The following MIB1 variants were observed in gnomAD, a reference collection of about 807,000 sequenced individuals.
The protein encoded by MIB1 is E3 ubiquitin-protein ligase MIB1.
A neutral mutation model predicts 124.5 loss-of-function variants in MIB1; 278 were observed. The observed-to-expected ratio is 2.23, with a 90% CI of 2.02 to 2.47. The LOEUF (loss-of-function observed/expected upper bound fraction) is 2.47, where lower values mean the gene tolerates loss of function less well. Among genes scored for constraint, MIB1 ranks in the 30% most tolerant of loss-of-function variants. The pLI, the probability that MIB1 is intolerant of heterozygous loss-of-function variation, is 0.00. For missense variants in MIB1, 957 were observed against 1,254.4 expected, an observed-to-expected ratio of 0.76 and a Z score of 3.58; for synonymous variants, 446 against 429.4, an observed-to-expected ratio of 1.04 and a Z score of -0.48.
In MIB1 at chr18:21,838,685, T is replaced by C. The variant is rs576754615; in HGVS notation, c.1962+188T>C. The stretch of plus-strand genomic sequence containing the variant: ...CTAATACTTCTTAAATGCAGGATGG[T>C]GATGTGTGTTTGAGAGTGAGTCCCT... On this transcript the variant is annotated intron_variant, in intron 13 of 20. Transcript: ENST00000261537. 8.5e-5 allele frequency among the ~76,000 whole-genome samples: 13 copies of C among 152,258 alleles called. No homozygotes were observed. In the South Asian group the frequency reaches 2.7e-3, roughly 32 times the overall value.
At chr18:21,774,759 GA>G (rs1254242141) in intron 4 of MIB1, among the ~76,000 whole-genome samples, 1 of 151,698 alleles carries the variant, frequency 6.6e-6, no homozygotes, top group Admixed American at 6.6e-5. Context: ...AGGAATGGAG[GA>G]AGTATCCCAG....
At chr18:21,734,278 T>C (rs1303490529) in intron 1 of MIB1, among the ~76,000 whole-genome samples, 1 of 151,526 alleles carries the variant, frequency 6.6e-6, no homozygotes, top group Non-Finnish European at 1.5e-5. Context: ...GGCTATTTTT[T>C]GGATTTTTAT....
At chr18:21,802,087 T>G (rs749387930) in intron 9 of MIB1, among the ~76,000 whole-genome samples, 6 of 152,200 alleles carry the variant, frequency 3.9e-5, no homozygotes, top group Non-Finnish European at 7.4e-5. Context: ...AGTTCTAGGT[T>G]AGAAGTCATT....
In MIB1 at chr18:21,857,129, G is replaced by C. The variant is rs1162035698; in HGVS notation, c.2666-1G>C. 1 of 1,610,688 alleles carries C rather than the reference G, an allele frequency of 6.2e-7. No homozygotes were observed. The highest frequency in any genetic ancestry group is 1.1e-5 in the South Asian group (1 of 90,952). On this transcript the variant is annotated splice_acceptor_variant, in intron 18 of 20. Coordinates refer to ENST00000261537, the MANE Select transcript of MIB1 (RefSeq NM_020774.4). LOFTEE classifies it high-confidence loss of function. ...GAAGTGTCTGTGTTACCGTTTTCCA[G>C]ACTGTGCTAACCTGATGAAAAAGTG...
At chr18:21,851,064 G>T (rs986146172) in intron 17 of MIB1, among the ~76,000 whole-genome samples, 3 of 152,148 alleles carry the variant, frequency 2.0e-5, no homozygotes, top group African/African-American at 7.2e-5. Flanking sequence ...ATTGGGTGTT[G>T]TAGGTGCTTT....
intron 1 of MIB1, among the ~76,000 whole-genome samples, chr18:21,710,068 A>G (rs2040658913): frequency 6.6e-6 from 1 of 152,214 alleles, no homozygotes; most frequent in Non-Finnish European, 1.5e-5. Context: ...AAAATTTTTT[A>G]AGACACTTGC....
chr18:21,709,650 TG>T (rs960888626), intron 1 of MIB1, among the ~76,000 whole-genome samples: 1 of 152,140 alleles, frequency 6.6e-6, no homozygotes, highest in African/African-American at 2.4e-5. Context: ...TCAGTGTCTG[TG>T]GGGGGACATG....
chr18:21,823,190 C>T (rs185688895), intron 12 of MIB1, among the ~76,000 whole-genome samples: 89 of 149,270 alleles, frequency 6.0e-4, no homozygotes, highest in Non-Finnish European at 1.0e-3. Flanking sequence ...GCTGAGATTG[C>T]ACCACTGCAC....
chr18:21,810,761 G>A (rs186643842), intron 10 of MIB1, among the ~76,000 whole-genome samples: 13 of 151,716 alleles, frequency 8.6e-5, no homozygotes, highest in Non-Finnish European at 1.5e-4. Flanking sequence ...CTAAAAGTGC[G>A]ATATAAAACT....
At chr18:21,768,773 C>T in intron 3 of MIB1, 21 bp downstream of exon 3, 2 of 1,595,970 alleles carry the variant, frequency 1.3e-6, no homozygotes, top group South Asian at 1.1e-5. Flanking sequence ...TCTCTGAATT[C>T]ATTATGTATT....
rs1198713057 is a variant in MIB1 at position 21,868,501 on chromosome 18, G to C, written c.*3835G>C. ...GGGTTTGTTATTTCATTTTGAGCCA[G>C]AGGGGAGAGGCACATTTTAAATATC... On this transcript the variant is annotated 3_prime_UTR_variant, in exon 21 of 21. Transcript: ENST00000261537. The C allele has an allele frequency of 6.6e-6, 1 of 152,422 alleles. No homozygotes were observed. Among genetic ancestry groups the C allele is most frequent in the Non-Finnish European group, 1.5e-5 (1 of 67,892 alleles). The allele number at this position is 152,422 out of a possible 1,614,324, so 9.4% of individuals were successfully genotyped here. A position where few individuals can be genotyped will look rare whatever the true frequency, so the allele number is the denominator to read the frequency against.
chr18:21,818,934 C>CA (rs1272608575), intron 11 of MIB1, among the ~76,000 whole-genome samples: 3 of 150,106 alleles, frequency 2.0e-5, no homozygotes, highest in East Asian at 1.9e-4. Context: ...AACTTGGTCT[C>CA]AAAAAAAAGA....
chr18:21,710,827 ATTTTTTTTTT>A (rs34702356), intron 1 of MIB1, among the ~76,000 whole-genome samples: 1 of 117,030 alleles, frequency 8.5e-6, no homozygotes, highest in South Asian at 2.8e-4. Flanking sequence ...TAATTGACTG[ATTTTTTTTTT>A]TTTTTTTTTT....
At chr18:21,864,185 A>G (rs2042300924) in intron 20 of MIB1, among the ~76,000 whole-genome samples, 1 of 151,992 alleles carries the variant, frequency 6.6e-6, no homozygotes. Context: ...ATCTTGGCTT[A>G]CTGCAATCTC....
chr18:21,712,044 T>C (rs2040668133), intron 1 of MIB1: 2 of 175,628 alleles, frequency 1.1e-5, no homozygotes, highest in Non-Finnish European at 1.3e-5. Flanking sequence ...TTCTGTGTAC[T>C]CTGCTAGCAT....
chr18:21,849,853 A>G (rs1356568851), intron 17 of MIB1, among the ~76,000 whole-genome samples: 1 of 152,114 alleles, frequency 6.6e-6, no homozygotes, highest in Non-Finnish European at 1.5e-5. Context: ...TTTTTTTGGT[A>G]GAATGTCACA....
At chr18:21,710,827 A>ATTTT (rs34702356) in intron 1 of MIB1, among the ~76,000 whole-genome samples, 12 of 117,022 alleles carry the variant, frequency 1.0e-4, no homozygotes, top group East Asian at 2.5e-4. Flanking sequence ...TAATTGACTG[A>ATTTT]TTTTTTTTTT....
At chr18:21,801,220 C>G (rs933386691) in intron 9 of MIB1, among the ~76,000 whole-genome samples, 1 of 151,906 alleles carries the variant, frequency 6.6e-6, no homozygotes, top group African/African-American at 2.4e-5. Flanking sequence ...TTCTTTCTTC[C>G]TTTCCTTTAC....
chr18:21,714,564 C>T (rs1401002176), intron 1 of MIB1, among the ~76,000 whole-genome samples: 2 of 152,182 alleles, frequency 1.3e-5, no homozygotes, highest in Non-Finnish European at 2.9e-5. Flanking sequence ...CCTTTCGGTG[C>T]ACTACAACTC....
Sources: allele counts gnomAD v4.1 joint callset (sites outside exome capture counted in the v4.1 genomes callset), GRCh38; gene constraint gnomAD v4.1.1; transcripts MANE v1.5; gene names NCBI Gene and HGNC (gene_info 2026-07-23, HGNC 2026-07-21).